Variants in EP400 observed in about 807,000 individuals in gnomAD.
EP400 encodes the protein E1A-binding protein p400.
A neutral mutation model predicts 354.1 loss-of-function variants in EP400; 105 were observed. The observed-to-expected ratio is 0.30, with a 90% CI of 0.25 to 0.35. The LOEUF is 0.35. Among genes scored for constraint, EP400 ranks in the 10% least tolerant of loss-of-function variants. EP400 has a pLI of 1.00. For synonymous variants in EP400, 1,646 were observed against 1,716.9 expected (o/e 0.96, Z 1.02); for missense variants, 3,280 against 4,121.0 (o/e 0.80, Z 5.59).
intron 39 of EP400, among the ~76,000 whole-genome samples, chr12:132,048,585 C>T (rs184729552): frequency 6.0e-5 from 9 of 149,984 alleles, no homozygotes; most frequent in East Asian, 1.9e-4. Context: ...TGCAGTGGCA[C>T]GATCTCGGCT....
chr12:132,044,989 G>C (rs745942565), intron 37 of EP400, 36 bp downstream of exon 37: 3 of 1,607,884 alleles, frequency 1.9e-6, no homozygotes, highest in South Asian at 2.2e-5. Flanking sequence ...ACCTGGGGGG[G>C]CCCTGGCCTG....
intron 2 of EP400, among the ~76,000 whole-genome samples, chr12:131,964,797 A>G (rs1186818605): frequency 6.6e-6 from 1 of 152,246 alleles, no homozygotes; most frequent in Non-Finnish European, 1.5e-5. Flanking sequence ...ACCTAATCAC[A>G]GTACAGTGAT....
At position 132,080,219 on chromosome 12, in the gene EP400, G is replaced by C. The variant is rs1896339247; in HGVS notation, c.*2546G>C. ...GCACCTGGCGGGAAGCAGAAGGTTG[G>C]ATCCAAGCCCTTGTTCAGATTTGGT... On this transcript the variant is annotated 3_prime_UTR_variant, in exon 53 of 53. Coordinates refer to ENST00000389561, the MANE Select transcript of EP400 (RefSeq NM_015409.5). 6.6e-6 allele frequency: 1 copy of C among 152,546 alleles called. No homozygotes were observed. 9.4% of individuals were successfully genotyped at this position (152,546 alleles called of 1,614,324 possible). A position where few individuals can be genotyped will look rare whatever the true frequency, so the allele number is the denominator to read the frequency against.
intron 2 of EP400, among the ~76,000 whole-genome samples, chr12:131,970,930 G>A (rs1268225005): frequency 6.6e-6 from 1 of 152,030 alleles, no homozygotes; most frequent in Non-Finnish European, 1.5e-5. Flanking sequence ...CAGGCTGGGC[G>A]CTTTGGCTCA....
rs572657464 is a variant in EP400, at chr12:132,050,995, G to C, written c.7394+340G>C. 2 of 425,846 alleles carry C rather than the reference G, an allele frequency of 4.7e-6. No individual in the cohort carries two copies. Among genetic ancestry groups the C allele is most frequent in the Non-Finnish European group, 8.7e-6 (2 of 230,724 alleles). The allele number at this position is 425,846 out of a possible 1,614,324, so 26.4% of individuals were successfully genotyped here. On this transcript the variant is annotated intron_variant, in intron 41 of 52. Transcript: ENST00000389561. This position sits in a 1 kb window ranked among gnomAD's most constrained non-coding sequence, Gnocchi z 4.8. ...CACCTCTCAGGCACTGATTTTGTTC[G>C]CCATATCTTAAGAACACACCACATT...
chr12:132,028,644 T>C (rs1420654623), intron 27 of EP400, among the ~76,000 whole-genome samples: 1 of 152,212 alleles, frequency 6.6e-6, no homozygotes, highest in Non-Finnish European at 1.5e-5. Flanking sequence ...TGAGTGAACA[T>C]TACATGATGA....
chr12:132,011,727 C>A, intron 16 of EP400, 93 bp downstream of exon 16: 1 of 1,393,142 alleles, frequency 7.2e-7, no homozygotes, highest in Non-Finnish European at 9.6e-7. Context: ...CATGCTTATT[C>A]ATGGAATTAT....
rs1165890948 is a variant in EP400, at chr12:132,029,933, C to T, written c.5584+30C>T. The T allele has an allele frequency of 7.4e-6, 12 of 1,611,082 alleles. No homozygotes were observed. Among genetic ancestry groups the T allele is most frequent in the South Asian group, 2.2e-5 (2 of 91,028 alleles). Reference sequence around the variant, plus strand: ...GCGGCAGTTGGGGGCGTGGCCCGTGCGGGAGCTGCACCGGCCCTGGATGAT... The same window carrying T: ...GCGGCAGTTGGGGGCGTGGCCCGTGTGGGAGCTGCACCGGCCCTGGATGAT... On this transcript the variant is annotated intron_variant, in intron 28 of 52. Coordinates refer to ENST00000389561, the MANE Select transcript of EP400 (RefSeq NM_015409.5). This position sits in a 1 kb window ranked among gnomAD's most constrained non-coding sequence, Gnocchi z 4.7.
chr12:131,960,971 C>T lies in EP400; in HGVS notation c.352C>T (p.Pro118Ser). 1 of 1,609,864 alleles carries T rather than the reference C, an allele frequency of 6.2e-7. No individual in the cohort carries two copies. The highest frequency in any genetic ancestry group is 2.2e-5 in the East Asian group (1 of 44,642). ...GCCTCGGCGGTTTGAGCATGGGTCT[C>T]CATCATACATTCAGGTCACGTCCCC... Reference protein sequence around the residue: ...AQPRRFEHGSPSYIQVTSPLS... With the variant: ...AQPRRFEHGSSSYIQVTSPLS... The change falls in exon 2 of 53, where the codon CCA becomes TCA. Residue 118 changes from proline to serine, a missense_variant. Pro to Ser is a moderately conservative substitution (Grantham distance 74). This residue lies in a region of EP400 where 172 missense variants were observed against 242.9 expected (regional missense o/e 0.71). Transcript: ENST00000389561.
intron 2 of EP400, among the ~76,000 whole-genome samples, chr12:131,976,099 CTTTAT>C (rs1303467641): frequency 1.3e-5 from 2 of 152,072 alleles, no homozygotes; most frequent in Non-Finnish European, 2.9e-5. Context: ...CCATTTCGCT[CTTTAT>C]TTTAATAGTT....
At position 132,013,611 on chromosome 12, in the gene EP400, C is replaced by T; in HGVS notation, c.3733C>T (p.Pro1245Ser). 6.2e-7 allele frequency: 1 copy of T among 1,613,828 alleles called. No individual in the cohort carries two copies. Among genetic ancestry groups the T allele is most frequent in the Non-Finnish European group, 8.5e-7 (1 of 1,179,886 alleles). The change falls in exon 18 of 53, where the codon CCC becomes TCC. Residue 1245 changes from proline to serine, a missense_variant. Pro to Ser is a moderately conservative substitution (Grantham distance 74, BLOSUM62 -1). Around this residue, in one of 20 missense-constraint regions of EP400, gnomAD observed 242 missense variants for 357.9 expected, o/e 0.68. Transcript: ENST00000389561. The surrounding 1 kb of genome is among the most constrained non-coding windows in gnomAD (Gnocchi z 4.5). ...CTACCTGAGCTCCCCTCTGAGGGCCCCCAGTGAAGAGAGCCAGGATTACTA... is the reference window on the plus strand; with the variant it reads ...CTACCTGAGCTCCCCTCTGAGGGCCTCCAGTGAAGAGAGCCAGGATTACTA... ...RPYLSSPLRA[P>S]SEESQDYYHK...
intron 39 of EP400, among the ~76,000 whole-genome samples, chr12:132,046,269 G>A (rs996020878): frequency 2.6e-5 from 4 of 152,114 alleles, no homozygotes; most frequent in African/African-American, 7.2e-5. Flanking sequence ...TTTCAAGAAC[G>A]TTTTGGATGA....
At chr12:132,056,590 C>G (rs1212460763) in intron 45 of EP400, among the ~76,000 whole-genome samples, 1 of 152,178 alleles carries the variant, frequency 6.6e-6, no homozygotes, top group Non-Finnish European at 1.5e-5. Context: ...ATGAAAGGCA[C>G]TCCAGGTGGA....
intron 19 of EP400, among the ~76,000 whole-genome samples, chr12:132,016,695 C>T (rs1893946158): frequency 6.6e-6 from 1 of 152,194 alleles, no homozygotes; most frequent in South Asian, 2.1e-4. Flanking sequence ...GTGGTGCGTA[C>T]TGCTGTCATG....
intron 30 of EP400, among the ~76,000 whole-genome samples, chr12:132,037,196 G>A (rs1002719268): frequency 5.3e-5 from 8 of 152,182 alleles, no homozygotes; most frequent in Middle Eastern, 3.4e-3. Flanking sequence ...GCTCACGGTC[G>A]TAATTGAACA....
rs145658622 is a variant in EP400, at chr12:131,969,656, G to A, written c.1335+7702G>A. Among the ~76,000 whole-genome samples the A allele has an allele frequency of 3.8e-3, 570 of 151,972 alleles. 3 individuals are homozygous for A. The highest frequency in any genetic ancestry group is 0.013 in the African/African-American group (531 of 41,444). ...TATATATATTCTTTGATCCAGCCCC[G>A]GAATCAGCCATTTCGACAAAGAGCC... On this transcript the variant is annotated intron_variant, in intron 2 of 52. Transcript: ENST00000389561.
rs1337908439 is a variant in EP400 at position 132,027,908 on chromosome 12, G to A, written c.5110-109G>A. 6.9e-6 allele frequency: 8 copies of A among 1,159,238 alleles called. No homozygotes were observed. The highest frequency in any genetic ancestry group is 9.8e-6 in the Non-Finnish European group (8 of 813,468). The allele number at this position is 1,159,238 out of a possible 1,614,324, so 71.8% of individuals were successfully genotyped here. ...CCTGTAACACAAGACCGGGGATATT[G>A]AAGTGGATCTCATATGTGGGAAATC... is the stretch of plus-strand genomic sequence containing the variant. On this transcript the variant is annotated intron_variant, in intron 26 of 52. Coordinates refer to ENST00000389561, the MANE Select transcript of EP400 (RefSeq NM_015409.5). The surrounding 1 kb of genome is among the most constrained non-coding windows in gnomAD (Gnocchi z 4.9).
intron 5 of EP400, among the ~76,000 whole-genome samples, chr12:131,984,592 A>G (rs556976385): frequency 3.9e-5 from 6 of 152,324 alleles, no homozygotes; most frequent in African/African-American, 1.4e-4. Flanking sequence ...ACACTTCCTC[A>G]CATCGAGCCA....
At chr12:131,988,218 C>T (rs1349171752) in intron 7 of EP400, among the ~76,000 whole-genome samples, 1 of 151,990 alleles carries the variant, frequency 6.6e-6, no homozygotes, top group Non-Finnish European at 1.5e-5. Context: ...AAGGATACTT[C>T]CCTGTTGTTT....
Sources: allele counts gnomAD v4.1 joint callset (sites outside exome capture counted in the v4.1 genomes callset), GRCh38; gene constraint gnomAD v4.1.1; regional missense constraint gnomAD v4.1.1; non-coding constraint Gnocchi (gnomAD v3.1); transcripts MANE v1.5; gene names NCBI Gene and HGNC (gene_info 2026-07-23, HGNC 2026-07-21).